The following GLI2 variants were observed in gnomAD, a reference collection of about 807,000 sequenced individuals.
GLI2 encodes transcription activator GLI2.
A neutral mutation model predicts 78.9 loss-of-function variants in GLI2; 22 were observed. The ratio of observed to expected loss-of-function variants is 0.28; its 90% confidence interval spans 0.20 to 0.40. GLI2 has a LOEUF of 0.40. GLI2 is among the 10% of genes least tolerant of loss of function. The pLI, the probability that GLI2 is intolerant of heterozygous loss-of-function variation, is 1.00. For synonymous variants in GLI2, 974 were observed against 963.7 expected (o/e 1.01, Z -0.20); for missense variants, 2,097 against 2,213.2 (o/e 0.95, Z 1.05).
chr2:120,928,962 C>G (rs1249557442), intron 3 of GLI2, among the ~76,000 whole-genome samples: 1 of 152,138 alleles, frequency 6.6e-6, no homozygotes, highest in African/African-American at 2.4e-5. Context: ...TTTCCTGGTT[C>G]AAGACCCAAT....
chr2:120,825,524 T>C (rs1399896824), intron 2 of GLI2, among the ~76,000 whole-genome samples: 1 of 147,634 alleles, frequency 6.8e-6, no homozygotes. Flanking sequence ...TGACTGTGAG[T>C]GTGTGCCTAG....
intron 1 of GLI2, among the ~76,000 whole-genome samples, chr2:120,784,674 C>G (rs899999134): frequency 6.6e-6 from 1 of 152,098 alleles, no homozygotes; most frequent in South Asian, 2.1e-4. Context: ...GCCTCCTGCT[C>G]GCCCCCCAGA....
chr2:120,951,028 C>T (rs897531670), intron 3 of GLI2, among the ~76,000 whole-genome samples: 9 of 152,158 alleles, frequency 5.9e-5, no homozygotes, highest in African/African-American at 2.2e-4. Flanking sequence ...CACGCACCAG[C>T]GTGGAGCTTT....
chr2:120,815,815 T>G (rs990875485), intron 2 of GLI2, among the ~76,000 whole-genome samples: 2 of 152,152 alleles, frequency 1.3e-5, no homozygotes, highest in Non-Finnish European at 2.9e-5. Context: ...TCTCTGCCTC[T>G]GGTGCTGGGC....
Position 120,989,429 on chromosome 2 carries a change from C to T in GLI2, c.3464C>T (p.Ala1155Val), listed in dbSNP as rs759924730. The T allele has an allele frequency of 7.4e-6, 12 of 1,613,062 alleles. No individual in the cohort carries two copies. Among genetic ancestry groups the T allele is most frequent in the East Asian group, 2.2e-5 (1 of 44,878 alleles). ...CCACCCTTTCCTCAGGGCAACCTGG[C>T]GGTGGTGCAGCAGAAGCCTGCCTTT... The part of the protein sequence containing the change: ...KPPPFPQGNL[A>V]VVQQKPAFGQ... Residue 1155 changes from alanine to valine, a missense_variant, in exon 14 of 14, where the codon GCG becomes GTG. Ala to Val is a moderately conservative substitution (Grantham distance 64). Around this residue, in one of 5 missense-constraint regions of GLI2, gnomAD observed 1,290 missense variants for 1,261.7 expected, o/e 1.02. Transcript: ENST00000361492.
intron 2 of GLI2, among the ~76,000 whole-genome samples, chr2:120,817,331 G>T (rs1685545089): frequency 1.3e-5 from 2 of 152,206 alleles, no homozygotes; most frequent in Non-Finnish European, 2.9e-5. Context: ...CAGCCCCGCA[G>T]TCTGGCTGCG....
At chr2:120,739,695 C>T (rs765178858) in intron 1 of GLI2, among the ~76,000 whole-genome samples, 13 of 152,164 alleles carry the variant, frequency 8.5e-5, no homozygotes, top group African/African-American at 1.4e-4. Flanking sequence ...AAAAGGAACC[C>T]GGGGGAGCAC....
chr2:120,980,218 A>C (rs1670453519), intron 10 of GLI2, among the ~76,000 whole-genome samples: 1 of 152,208 alleles, frequency 6.6e-6, no homozygotes, highest in African/African-American at 2.4e-5. Context: ...TCTGTTTTCC[A>C]AAAACGCTGC....
intron 2 of GLI2, among the ~76,000 whole-genome samples, chr2:120,866,026 G>T (rs2104656260): frequency 6.6e-6 from 1 of 152,350 alleles, no homozygotes; most frequent in Non-Finnish European, 1.5e-5. Context: ...TCCCCATGCT[G>T]AAAGATGTCC....
intron 9 of GLI2, 47 bp from the exon 10 acceptor site, chr2:120,978,387 G>A: frequency 6.2e-7 from 1 of 1,611,478 alleles, no homozygotes; most frequent in Non-Finnish European, 8.5e-7. Flanking sequence ...GGTGGTCTGT[G>A]GGCCTCTGGC....
chr2:120,919,719 C>T (rs1464724777), intron 2 of GLI2, among the ~76,000 whole-genome samples: 1 of 152,266 alleles, frequency 6.6e-6, no homozygotes, highest in Non-Finnish European at 1.5e-5. Context: ...CCGGGCTTCC[C>T]CATCCTGGCC....
Position 120,983,946 on chromosome 2 carries a change from G to GGGGTGTGT in GLI2, c.1633-524_1633-523insGGTGTGTG, listed in dbSNP as rs112474343. On this transcript the variant is annotated intron_variant, in intron 11 of 13. Coordinates refer to ENST00000361492, the MANE Select transcript of GLI2 (RefSeq NM_001374353.1). ...GTTTTTCTGTAGACGTGGTGTGTGG[G>GGGGTGTGT]GTGTGTGTGTGTGTGTGTGTGTGTG... is the stretch of plus-strand genomic sequence containing the variant. Among the ~76,000 whole-genome samples, 8 of 143,212 alleles carry GGGGTGTGT rather than the reference G, an allele frequency of 5.6e-5. No individual in the cohort carries two copies. In the South Asian group the frequency reaches 1.2e-3, roughly 21 times the overall value. 94.0% of individuals were successfully genotyped at this position (143,212 alleles called of 152,430 possible).
At chr2:120,858,546 G>T (rs1687764736) in intron 2 of GLI2, among the ~76,000 whole-genome samples, 1 of 152,210 alleles carries the variant, frequency 6.6e-6, no homozygotes, top group South Asian at 2.1e-4. Context: ...CGGCCTGCTA[G>T]TCCCCTGGGC....
At chr2:120,819,844 G>T (rs1478257136) in intron 2 of GLI2, among the ~76,000 whole-genome samples, 1 of 152,200 alleles carries the variant, frequency 6.6e-6, no homozygotes, top group African/African-American at 2.4e-5. Context: ...GACTCCAAGA[G>T]AAGTCATTTC....
intron 4 of GLI2, among the ~76,000 whole-genome samples, chr2:120,953,278 C>T (rs1681083080): frequency 6.6e-6 from 1 of 152,082 alleles, no homozygotes. Context: ...GAGGAGAAGG[C>T]TATGTGAAGT....
intron 3 of GLI2, among the ~76,000 whole-genome samples, chr2:120,950,570 C>T (rs1680929844): frequency 6.6e-6 from 1 of 152,178 alleles, no homozygotes; most frequent in Non-Finnish European, 1.5e-5. Flanking sequence ...GCACACCTGA[C>T]TATTGGGGCA....
At position 120,992,563 on chromosome 2, in the gene GLI2, T is replaced by G. The variant is rs747928542; in HGVS notation, c.*1888T>G. 6.6e-6 allele frequency: 1 copy of G among 152,210 alleles called. No homozygotes were observed. The highest frequency in any genetic ancestry group is 2.4e-5 in the African/African-American group (1 of 41,458). 9.4% of individuals were successfully genotyped at this position (152,210 alleles called of 1,614,324 possible). On this transcript the variant is annotated 3_prime_UTR_variant, in exon 14 of 14. Coordinates refer to ENST00000361492, the MANE Select transcript of GLI2 (RefSeq NM_001374353.1). ...ATGAGAACCTGGGCAGTAAATTTGG[T>G]GCATTCGAGCAGAAATTAGGCTGTA...
Position 120,968,714 on chromosome 2 carries a change from T to G in GLI2, c.644T>G (p.Val215Gly), listed in dbSNP as rs781426186. 17 of 1,611,282 alleles carry G rather than the reference T, an allele frequency of 1.1e-5. No homozygotes were observed. The highest frequency in any genetic ancestry group is 2.7e-5 in the African/African-American group (2 of 74,806). Residue 215 changes from valine to glycine, a missense_variant and splice_region_variant, in exon 6 of 14, where the codon GTG becomes GGG. Val to Gly is a moderately radical substitution (Grantham distance 109, BLOSUM62 -3). Around this residue, in one of 5 missense-constraint regions of GLI2, gnomAD observed 578 missense variants for 612.0 expected, o/e 0.94. Coordinates refer to ENST00000361492, the MANE Select transcript of GLI2 (RefSeq NM_001374353.1). ...HLHDYLNPVD[V>G]SRFSSPRVTP... ...CTGTCTTGTGTTGACTATCCCACAG[T>G]GTCCCGTTTCTCCAGCCCGCGGGTG... is the stretch of plus-strand genomic sequence containing the variant.
intron 1 of GLI2, among the ~76,000 whole-genome samples, chr2:120,750,991 C>T (rs1012511305): frequency 2.0e-5 from 3 of 152,274 alleles, no homozygotes; most frequent in Admixed American, 1.3e-4. Flanking sequence ...AGCCAGATCC[C>T]TCCGGAAGCC....
Sources: allele counts gnomAD v4.1 joint callset (sites outside exome capture counted in the v4.1 genomes callset), GRCh38; gene constraint gnomAD v4.1.1; regional missense constraint gnomAD v4.1.1; transcripts MANE v1.5; gene names NCBI Gene and HGNC (gene_info 2026-07-23, HGNC 2026-07-21).